OSMR: variants seen among roughly 807,000 people sequenced by gnomAD.
The protein encoded by OSMR is oncostatin M receptor.
OSMR carries 81 observed loss-of-function variants against 99.9 expected under a neutral mutation model. The ratio of observed to expected loss-of-function variants is 0.81; its 90% CI spans 0.68 to 0.97. The LOEUF (loss-of-function observed/expected upper bound fraction) is 0.97. Among genes scored for constraint, OSMR ranks in the 50% least tolerant of loss-of-function variants. The probability of loss-of-function intolerance (pLI) is 0.00; values close to 1 mark genes in which losing one functional copy is unlikely to be tolerated. For missense variants in OSMR, 1,099 were observed against 1,153.4 expected, an observed-to-expected ratio of 0.95 and a Z score of 0.68; for synonymous variants, 406 against 410.4, an observed-to-expected ratio of 0.99 and a Z score of 0.13.
chr5:38,864,112 C>T (rs960967457), intron 1 of OSMR, among the ~76,000 whole-genome samples: 4 of 152,202 alleles, frequency 2.6e-5, no homozygotes, highest in African/African-American at 9.6e-5. Flanking sequence ...TTTCAGCCTA[C>T]ACCATTCAAG....
chr5:38,910,186 T>C (rs1745483986), intron 9 of OSMR, among the ~76,000 whole-genome samples: 1 of 152,186 alleles, frequency 6.6e-6, no homozygotes, highest in South Asian at 2.1e-4. Context: ...CTATCCTAAA[T>C]ATATATGCAC....
intron 7 of OSMR, 153 bp downstream of exon 7, chr5:38,886,343 T>G: frequency 2.0e-6 from 3 of 1,480,352 alleles, no homozygotes; most frequent in Non-Finnish European, 2.7e-6. Flanking sequence ...ACGTTTCTCC[T>G]CATGGATGCA....
rs573487178 is a variant in OSMR, at chr5:38,918,758, G to A, written c.1363-82G>A. 1,264 of 1,568,914 alleles carry A rather than the reference G, an allele frequency of 8.1e-4. 3 individuals carry two copies. The highest frequency in any genetic ancestry group is 9.6e-4 in the Non-Finnish European group (1,115 of 1,156,798). On this transcript the variant is annotated intron_variant, in intron 10 of 17. Transcript: ENST00000274276. ...TGTGTGCGTATATAAAGGAGTTGAG[G>A]GACAGAAAAGATGAAAAAGGAGTTG...
At chr5:38,860,869 C>T (rs961708903) in intron 1 of OSMR, among the ~76,000 whole-genome samples, 10 of 152,080 alleles carry the variant, frequency 6.6e-5, no homozygotes, top group African/African-American at 2.4e-4. Context: ...GATGGGGTTT[C>T]ACCATGTTGG....
intron 7 of OSMR, among the ~76,000 whole-genome samples, chr5:38,898,446 A>G (rs1744666645): frequency 6.6e-6 from 1 of 152,160 alleles, no homozygotes; most frequent in Non-Finnish European, 1.5e-5. Flanking sequence ...CCATTGTCAT[A>G]GAATATCTTT....
chr5:38,944,948 G>C, exon 3 of OSMR: 1 of 1,614,044 alleles, frequency 6.2e-7, no homozygotes, highest in Non-Finnish European at 8.5e-7. Context: ...GCTGCTAGCT[G>C]AGCCTTCTTG....
At chr5:38,915,872 G>A (rs1187116361) in intron 9 of OSMR, among the ~76,000 whole-genome samples, 1 of 152,222 alleles carries the variant, frequency 6.6e-6, no homozygotes, top group Non-Finnish European at 1.5e-5. Context: ...GAGATGTGCT[G>A]TTAGGACTCA....
At position 38,881,684 on chromosome 5, in the gene OSMR, G is replaced by A. The variant is rs1450788526; in HGVS notation, c.338G>A (p.Arg113Lys). 6.2e-7 allele frequency: 1 copy of A among 1,614,242 alleles called. No homozygotes were observed. Among genetic ancestry groups the A allele is most frequent in the South Asian group, 1.1e-5 (1 of 91,088 alleles). The change falls in exon 4 of 18, where the codon AGA becomes AAA. Residue 113 changes from arginine to lysine, a missense_variant. Transcript: ENST00000274276. ...TTGGAATGTGCCACACACTTTGTAAGAATAAAGAGTTTGGTGGACGATGCC... is the reference window on the plus strand; with the variant it reads ...TTGGAATGTGCCACACACTTTGTAAAAATAAAGAGTTTGGTGGACGATGCC... ...LPLECATHFV[R>K]IKSLVDDAKF... is the part of the protein sequence containing the mutation.
At chr5:38,885,012 G>A (rs1300094754) in intron 5 of OSMR, among the ~76,000 whole-genome samples, 4 of 152,130 alleles carry the variant, frequency 2.6e-5, no homozygotes, top group African/African-American at 9.7e-5. Context: ...TTGCATCCCC[G>A]AAGCATTCTG....
chr5:38,886,469 C>G, intron 7 of OSMR: 1 of 630,130 alleles, frequency 1.6e-6, no homozygotes, highest in Non-Finnish European at 2.3e-6. Context: ...CCTGTAACGC[C>G]CCCACCTTCG....
rs1324675485 is a variant in OSMR at position 38,933,400 on chromosome 5, C to A, written c.2896C>A (p.Leu966Ile). The change falls in exon 18 of 18, where the codon CTC (leucine) becomes ATC (isoleucine). Residue 966 changes from leucine to isoleucine, a missense_variant. Physicochemically the swap from Leu to Ile is conservative, Grantham distance 5 (BLOSUM62 2). Coordinates refer to ENST00000274276, the MANE Select transcript of OSMR (RefSeq NM_003999.3). ...GCCTCCCCCGACCGAGAATAGCAGCCTCTCCTCAATTACCCTTTTAGATCC... is the reference window on the plus strand; with the variant it reads ...GCCTCCCCCGACCGAGAATAGCAGCATCTCCTCAATTACCCTTTTAGATCC... ...ALPPPTENSS[L>I]SSITLLDPGE... 5 of 1,614,110 alleles carry A rather than the reference C, an allele frequency of 3.1e-6. No individual in the cohort carries two copies. The highest frequency in any genetic ancestry group is 4.2e-6 in the Non-Finnish European group (5 of 1,179,970).
chr5:38,871,389 C>T (rs1422456353), intron 2 of OSMR, among the ~76,000 whole-genome samples: 3 of 152,212 alleles, frequency 2.0e-5, no homozygotes, highest in Non-Finnish European at 4.4e-5. Flanking sequence ...TCAAGCATGC[C>T]TTCTTTGGTA....
intron 11 of OSMR, among the ~76,000 whole-genome samples, chr5:38,920,041 C>T (rs911618019): frequency 1.3e-5 from 2 of 152,074 alleles, no homozygotes; most frequent in Admixed American, 6.6e-5. Context: ...CATTAGGATC[C>T]GAACAGGAAA....
At chr5:38,920,054 G>A (rs1431129099) in intron 11 of OSMR, among the ~76,000 whole-genome samples, 1 of 152,150 alleles carries the variant, frequency 6.6e-6, no homozygotes, top group African/African-American at 2.4e-5. Flanking sequence ...ACAGGAAAAG[G>A]GGGCATTTCA....
intron 1 of OSMR, among the ~76,000 whole-genome samples, chr5:38,855,857 C>G (rs1421057514): frequency 2.0e-5 from 3 of 152,202 alleles, no homozygotes; most frequent in Non-Finnish European, 4.4e-5. Context: ...TGGCTCCCAT[C>G]TGGCCCAGAG....
intron 1 of OSMR, among the ~76,000 whole-genome samples, chr5:38,859,575 A>C (rs1741117370): frequency 6.6e-6 from 1 of 152,070 alleles, no homozygotes; most frequent in Admixed American, 6.5e-5. Flanking sequence ...TGCTTTGGCT[A>C]TTTGAGATCT....
intron 9 of OSMR, among the ~76,000 whole-genome samples, chr5:38,911,006 AAC>A (rs1051509870): frequency 2.6e-5 from 4 of 152,124 alleles, no homozygotes; most frequent in African/African-American, 7.2e-5. Context: ...ATCTCAAATT[AAC>A]AACCCAACAT....
intron 2 of OSMR, among the ~76,000 whole-genome samples, chr5:38,869,332 T>TCTTC (rs1742192185): frequency 6.6e-6 from 1 of 152,240 alleles, no homozygotes; most frequent in African/African-American, 2.4e-5. Context: ...AGCCACCCTT[T>TCTTC]GACCCTGACT....
intron 15 of OSMR, among the ~76,000 whole-genome samples, chr5:38,926,115 G>A (rs2112674226): frequency 6.6e-6 from 1 of 152,344 alleles, no homozygotes; most frequent in African/African-American, 2.4e-5. Context: ...ACTGATGGAA[G>A]AAAGAGGAGA....
Sources: gnomAD v4.1 joint callset for allele counts (sites outside exome capture counted in the v4.1 genomes callset) on GRCh38, gnomAD v4.1.1 for gene constraint, MANE v1.5 for transcripts, NCBI Gene and HGNC (gene_info 2026-07-23, HGNC 2026-07-21) for gene names.